FKBP15: variants seen among roughly 807,000 people sequenced by gnomAD.
The protein encoded by FKBP15 is FKBP prolyl isomerase family member 15.
Under a neutral mutation model 158.1 loss-of-function variants are expected in FKBP15, and 106 were observed. That is an observed-to-expected ratio of 0.67 (90% CI 0.57 to 0.79). The LOEUF (loss-of-function observed/expected upper bound fraction) is 0.79. FKBP15 is among the 30% of genes least tolerant of loss of function. FKBP15 has a pLI of 0.00. For missense variants in FKBP15, 1,287 were observed against 1,479.1 expected, an observed-to-expected ratio of 0.87 and a Z score of 2.13; for synonymous variants, 547 against 548.6, an observed-to-expected ratio of 1.00 and a Z score of 0.04.
At chr9:113,192,575 CTCAAAG>C (rs927011797) in intron 11 of FKBP15, among the ~76,000 whole-genome samples, 34 of 152,300 alleles carry the variant, frequency 2.2e-4, no homozygotes, top group African/African-American at 7.5e-4. Context: ...CAGTGACCTG[CTCAAAG>C]TCAATCAGCT....
intron 19 of FKBP15, 100 bp from the exon 20 acceptor site, chr9:113,178,901 C>T (rs1213734186): frequency 2.5e-6 from 3 of 1,222,118 alleles, no homozygotes; most frequent in Admixed American, 2.8e-5. Context: ...AACTAGTAAA[C>T]AGGGAGTTAT....
At position 113,184,490 on chromosome 9, in the gene FKBP15, T is replaced by TA; in HGVS notation, c.1609-92dup. On this transcript the variant is annotated intron_variant, in intron 16 of 27. Transcript: ENST00000238256. This position sits in a 1 kb window ranked among gnomAD's most constrained non-coding sequence, Gnocchi z 4.5. ...GATTTGACCCTGTTGTTAAGGGGGT[T>TA]AATGAGTTCCTGGGACAATCTCTAA... 1 of 1,074,236 alleles carries TA rather than the reference T, an allele frequency of 9.3e-7. No homozygotes were observed. The highest frequency in any genetic ancestry group is 1.4e-6 in the Non-Finnish European group (1 of 718,202). The allele number at this position is 1,074,236 out of a possible 1,614,324, so 66.5% of individuals were successfully genotyped here.
At position 113,163,207 on chromosome 9, in the gene FKBP15, T is replaced by C. The variant is rs902733785; in HGVS notation, c.*2871A>G. 1 of 237,878 alleles carries C rather than the reference T, an allele frequency of 4.2e-6. No individual in the cohort carries two copies. The highest frequency in any genetic ancestry group is 8.1e-6 in the Non-Finnish European group (1 of 123,936). The allele number at this position is 237,878 out of a possible 1,614,324, so 14.7% of individuals were successfully genotyped here. On this transcript the variant is annotated 3_prime_UTR_variant, in exon 28 of 28. Transcript: ENST00000238256. The stretch of plus-strand genomic sequence containing the variant: ...AGGGGTGGCAGGGTTACTGAGCCCA[T>C]GACAATGCTTCTCTGTGACTCAAAC...
At chr9:113,181,618 C>T (rs958865228) in intron 19 of FKBP15, among the ~76,000 whole-genome samples, 9 of 152,106 alleles carry the variant, frequency 5.9e-5, no homozygotes, top group Non-Finnish European at 8.8e-5. Flanking sequence ...CCAAGTAAGT[C>T]GGAGGCAGCC....
Position 113,161,480 on chromosome 9 carries a change from G to C in FKBP15, c.*4598C>G. 1 of 1,610,616 alleles carries C rather than the reference G, an allele frequency of 6.2e-7. No homozygotes were observed. Among genetic ancestry groups the C allele is most frequent in the South Asian group, 1.1e-5 (1 of 90,876 alleles). ...AAGGGAAACAGTGCTGGCCTGGCCA[G>C]GTCTCCACAACTCTGCCTCCTTTGA... On this transcript the variant is annotated 3_prime_UTR_variant, in exon 28 of 28. Coordinates refer to ENST00000238256, the MANE Select transcript of FKBP15 (RefSeq NM_015258.2).
chr9:113,169,584 G>A lies in FKBP15; in HGVS notation c.3125C>T (p.Thr1042Ile), dbSNP rs1226975857. Reference sequence around the variant, plus strand: ...GCCTAGGGGCTCAGGTGGAATTGAAGTCGGGGGCCCTAGAACTCTGTGGGA... The same window carrying A: ...GCCTAGGGGCTCAGGTGGAATTGAAATCGGGGGCCCTAGAACTCTGTGGGA... ...IPSHRVLGPP[T>I]SIPPEPLGPV... The change falls in exon 26 of 28, where the codon ACT (threonine) becomes ATT (isoleucine). Residue 1042 changes from threonine to isoleucine, a missense_variant. By Grantham distance (89) the Thr-to-Ile change is moderately conservative. Transcript: ENST00000238256. 9 of 1,613,930 alleles carry A rather than the reference G, an allele frequency of 5.6e-6. No individual in the cohort carries two copies. The South Asian group carries it at 6.6e-5, about 12-fold the overall frequency.
chr9:113,206,714 T>TG, intron 3 of FKBP15, 136 bp from the exon 4 acceptor site: 1 of 130,552 alleles, frequency 7.7e-6, no homozygotes, highest in Non-Finnish European at 1.3e-5. Context: ...GGTTTAAAAT[T>TG]TTTTTTTTTT....
Position 113,176,616 on chromosome 9 carries a change from C to T in FKBP15, c.2144G>A (p.Arg715Gln), listed in dbSNP as rs375357374. Residue 715 changes from arginine (R) to glutamine (Q), a missense_variant, in exon 21 of 28, where the codon CGG (arginine) becomes CAG (glutamine). By Grantham distance (43) the Arg-to-Gln change is conservative (BLOSUM62 1). Coordinates refer to ENST00000238256, the MANE Select transcript of FKBP15 (RefSeq NM_015258.2). ...TGTCACCTTGAGTTCCAGTTGTTTC[C>T]GGTTCTGCTTTTCACTTTTGAATTT... Reference protein sequence around the residue: ...QSKFKSEKQNRKQLELKVTSL... With the variant: ...QSKFKSEKQNQKQLELKVTSL... 16 of 1,600,318 alleles carry T rather than the reference C, an allele frequency of 1.0e-5. No homozygotes were observed. The highest frequency in any genetic ancestry group is 2.7e-5 in the African/African-American group (2 of 74,766).
Position 113,186,274 on chromosome 9 carries a change from C to T in FKBP15, c.1473G>A (p.Pro491=), listed in dbSNP as rs749555461. ...LQPVRPLYPA[P]LSQPPHFQGS... ...CTTGGAAATGGGGAGGCTGAGAGAG[C>T]GGTGCTGGGTACAAAGGCCGAACGG... is the stretch of plus-strand genomic sequence containing the variant. Residue 491 remains proline (P), a synonymous_variant, in exon 15 of 28, where the codon CCG becomes CCA. Coordinates refer to ENST00000238256, the MANE Select transcript of FKBP15 (RefSeq NM_015258.2). 14 of 1,565,934 alleles carry T rather than the reference C, an allele frequency of 8.9e-6. No individual in the cohort carries two copies. The highest frequency in any genetic ancestry group is 7.6e-5 in the Admixed American group (4 of 52,760).
rs540200983 is a variant in FKBP15 at position 113,203,916 on chromosome 9, A to G, written c.325-881T>C. 2.3e-3 allele frequency among the ~76,000 whole-genome samples: 346 copies of G among 152,296 alleles called. 3 individuals carry two copies. The highest frequency in any genetic ancestry group is 7.9e-3 in the African/African-American group (329 of 41,564). On this transcript the variant is annotated intron_variant, in intron 4 of 27. Coordinates refer to ENST00000238256, the MANE Select transcript of FKBP15 (RefSeq NM_015258.2). The stretch of plus-strand genomic sequence containing the variant: ...TTTCACTCACCGTATCTATAAGAGT[A>G]AGCCTTGATACTTCATGTTCCAGGA...
At chr9:113,192,139 G>C (rs1375593313) in intron 11 of FKBP15, among the ~76,000 whole-genome samples, 1 of 152,012 alleles carries the variant, frequency 6.6e-6, no homozygotes, top group Non-Finnish European at 1.5e-5. Context: ...GAGTACAATG[G>C]AACCAATATT....
chr9:113,173,009 A>G (rs950668935), intron 23 of FKBP15, among the ~76,000 whole-genome samples: 14 of 152,070 alleles, frequency 9.2e-5, no homozygotes, highest in African/African-American at 3.4e-4. Context: ...GCTCTGCTCA[A>G]ATGTCACCAC....
At chr9:113,180,518 T>C (rs1404568429) in intron 19 of FKBP15, among the ~76,000 whole-genome samples, 2 of 73,436 alleles carry the variant, frequency 2.7e-5, no homozygotes, top group African/African-American at 8.2e-5. Context: ...CCCTGGTTCC[T>C]ACCCTGGATC....
At chr9:113,193,597 T>C in intron 10 of FKBP15, 48 bp from the exon 11 acceptor site, 1 of 1,475,776 alleles carries the variant, frequency 6.8e-7, no homozygotes, top group East Asian at 2.4e-5. Flanking sequence ...AAATCCAGAA[T>C]CACAAGTCCA....
Position 113,165,995 on chromosome 9 carries a change from T to TCGCCTAGACCCCACCCTGTGGC in FKBP15, c.*82_*83insGCCACAGGGTGGGGTCTAGGCG. ...TGCTCACCTTGACCTCACCCTGTGG[T>TCGCCTAGACCCCACCCTGTGGC]TCGCCTAGACCCAGGGTTGGCTGTG... On this transcript the variant is annotated 3_prime_UTR_variant, in exon 28 of 28. Transcript: ENST00000238256. The TCGCCTAGACCCCACCCTGTGGC allele has an allele frequency of 7.4e-7, 1 of 1,359,366 alleles. No individual in the cohort carries two copies. The highest frequency in any genetic ancestry group is 2.0e-5 in the Admixed American group (1 of 50,104). The allele number at this position is 1,359,366 out of a possible 1,614,324, so 84.2% of individuals were successfully genotyped here.
At chr9:113,187,562 C>T (rs192277885) in intron 14 of FKBP15, 30 of 511,354 alleles carry the variant, frequency 5.9e-5, no homozygotes, top group Non-Finnish European at 7.2e-5. Flanking sequence ...ATCTTTACTA[C>T]GTTGTACTAG....
intron 1 of FKBP15, among the ~76,000 whole-genome samples, chr9:113,217,130 C>T (rs1831151914): frequency 6.6e-6 from 1 of 151,076 alleles, no homozygotes; most frequent in Non-Finnish European, 1.5e-5. Context: ...TCTTGCACTC[C>T]TGACCTCAGG....
chr9:113,170,696 G>C lies in FKBP15; in HGVS notation c.2659-67C>G, dbSNP rs1830192841. 13 of 1,278,920 alleles carry C rather than the reference G, an allele frequency of 1.0e-5. No homozygotes were observed. The South Asian group carries it at 1.4e-4, about 14-fold the overall frequency. The allele number at this position is 1,278,920 out of a possible 1,614,324, so 79.2% of individuals were successfully genotyped here. The stretch of plus-strand genomic sequence containing the variant: ...TAAAGGATGCATTAAATTCCAGAGA[G>C]GTGTATGGAAGGCCAAAATGAAGCC... On this transcript the variant is annotated intron_variant, in intron 24 of 27. Coordinates refer to ENST00000238256, the MANE Select transcript of FKBP15 (RefSeq NM_015258.2).
Position 113,162,974 on chromosome 9 carries a change from A to G in FKBP15, c.*3104T>C. 6.9e-7 allele frequency: 1 copy of G among 1,449,806 alleles called. No homozygotes were observed. The highest frequency in any genetic ancestry group is 9.3e-7 in the Non-Finnish European group (1 of 1,080,772). The allele number at this position is 1,449,806 out of a possible 1,614,324, so 89.8% of individuals were successfully genotyped here. On this transcript the variant is annotated 3_prime_UTR_variant, in exon 28 of 28. Coordinates refer to ENST00000238256, the MANE Select transcript of FKBP15 (RefSeq NM_015258.2). Reference sequence around the variant, plus strand: ...AGGGACATGGAGCCCCCTCTTCCAGACACTATACTTCCAACTGCCCTTTCT... The same window carrying G: ...AGGGACATGGAGCCCCCTCTTCCAGGCACTATACTTCCAACTGCCCTTTCT...
Sources: allele counts gnomAD v4.1 joint callset (sites outside exome capture counted in the v4.1 genomes callset), GRCh38; gene constraint gnomAD v4.1.1; non-coding constraint Gnocchi (gnomAD v3.1); transcripts MANE v1.5; gene names NCBI Gene and HGNC (gene_info 2026-07-23, HGNC 2026-07-21).